SLC1A3: variants seen among roughly 807,000 people sequenced by gnomAD.
SLC1A3 encodes the protein excitatory amino acid transporter 1.
SLC1A3 carries 21 observed loss-of-function variants against 48.1 expected under a neutral mutation model. The ratio of observed to expected loss-of-function variants is 0.44; its 90% confidence interval spans 0.31 to 0.63. The LOEUF is 0.63. Ranked by LOEUF, SLC1A3 falls within the 20% of genes least tolerant of loss-of-function variation. The pLI is 0.08. For missense variants in SLC1A3, 546 were observed against 689.0 expected (o/e 0.79, Z 2.32); for synonymous variants, 239 against 251.4 (o/e 0.95, Z 0.47).
At chr5:36,617,161 C>T (rs115575681) in intron 2 of SLC1A3, among the ~76,000 whole-genome samples, 88 of 152,220 alleles carry the variant, frequency 5.8e-4, no homozygotes, top group African/African-American at 2.0e-3. Context: ...AGATTCGCTT[C>T]CTTGTCTCCA....
chr5:36,674,792 T>C (rs1742139675), intron 5 of SLC1A3, among the ~76,000 whole-genome samples: 1 of 152,208 alleles, frequency 6.6e-6, no homozygotes. Flanking sequence ...TGCTTTCTGC[T>C]ACTCCATTCT....
chr5:36,684,058 G>C lies in SLC1A3; in HGVS notation c.1424+60G>C, dbSNP rs1018374122. The C allele has an allele frequency of 3.7e-6, 6 of 1,605,676 alleles. No homozygotes were observed. In the East Asian group the frequency reaches 1.3e-4, roughly 36 times the overall value. On this transcript the variant is annotated intron_variant, in intron 9 of 9. Coordinates refer to ENST00000265113, the MANE Select transcript of SLC1A3 (RefSeq NM_004172.5). ...CACAGGGTCCCCCTCTGTCACTCTA[G>C]GGCACCAGGCAGCCTGGCACATCTA...
intron 3 of SLC1A3, among the ~76,000 whole-genome samples, chr5:36,646,960 A>G (rs773556491): frequency 6.6e-6 from 1 of 152,172 alleles, no homozygotes; most frequent in Non-Finnish European, 1.5e-5. Context: ...TTAAAAGTAT[A>G]CTATATTTGT....
chr5:36,616,119 G>A (rs944148796), intron 2 of SLC1A3, among the ~76,000 whole-genome samples: 2 of 152,100 alleles, frequency 1.3e-5, no homozygotes, highest in African/African-American at 2.4e-5. Context: ...TGCTTGAACC[G>A]GGAAGGAGGA....
rs370546835 is a variant in SLC1A3, at chr5:36,596,862, T to C, written c.-96+184T>C. Among the ~76,000 whole-genome samples the C allele has an allele frequency of 2.6e-5, 4 of 152,180 alleles. No homozygotes were observed. The East Asian group carries it at 7.7e-4, about 29-fold the overall frequency. Reference sequence around the variant, plus strand: ...ATCTATTGCCCTTTAAGACAGGTCTTCCTCTAATGGAAGAGAAGAAAAACC... The same window carrying C: ...ATCTATTGCCCTTTAAGACAGGTCTCCCTCTAATGGAAGAGAAGAAAAACC... On this transcript the variant is annotated intron_variant, in intron 1 of 9. Transcript: ENST00000680318.
chr5:36,625,608 T>C (rs1739872451), intron 2 of SLC1A3, among the ~76,000 whole-genome samples: 1 of 152,134 alleles, frequency 6.6e-6, no homozygotes, highest in African/African-American at 2.4e-5. Context: ...TAGAAATAGC[T>C]CACCTGGTAA....
intron 7 of SLC1A3, 53 bp from the exon 8 acceptor site, chr5:36,680,342 C>A: frequency 6.8e-7 from 1 of 1,471,780 alleles, no homozygotes; most frequent in Non-Finnish European, 9.5e-7. Context: ...AACGCACAGA[C>A]AGTCAGAACT....
Position 36,684,149 on chromosome 5 carries a change from T to C in SLC1A3, c.1424+151T>C, listed in dbSNP as rs1238624308. The C allele has an allele frequency of 2.4e-5, 25 of 1,027,866 alleles. No individual in the cohort carries two copies. The African/African-American group carries it at 3.8e-4, about 15-fold the overall frequency. 63.7% of individuals were successfully genotyped at this position (1,027,866 alleles called of 1,614,324 possible). A position where few individuals can be genotyped will look rare whatever the true frequency, so the allele number is the denominator to read the frequency against. ...TAAATTGTCCTTATTGTCTGACCCC[T>C]GGTCCTTATCTGGAGACCGAGCCCC... is the stretch of plus-strand genomic sequence containing the variant. On this transcript the variant is annotated intron_variant, in intron 9 of 9. Transcript: ENST00000265113.
chr5:36,615,772 G>T (rs755119432), intron 2 of SLC1A3, among the ~76,000 whole-genome samples: 3 of 152,218 alleles, frequency 2.0e-5, no homozygotes, highest in Non-Finnish European at 2.9e-5. Context: ...GATATTTATG[G>T]AACACTAGGA....
chr5:36,643,311 C>T lies in SLC1A3; in HGVS notation c.319+13724C>T, dbSNP rs956809313. ...TGTTCTAATTTCTCCACTTTCTTAC[C>T]AACACTTCTTATTATCTGTCTTTTA... is the stretch of plus-strand genomic sequence containing the variant. On this transcript the variant is annotated intron_variant, in intron 3 of 9. Transcript: ENST00000265113. Among the ~76,000 whole-genome samples, 5 of 152,280 alleles carry T rather than the reference C, an allele frequency of 3.3e-5. No homozygotes were observed. The South Asian group carries it at 8.3e-4, about 25-fold the overall frequency.
At chr5:36,642,561 A>C (rs997798806) in intron 3 of SLC1A3, among the ~76,000 whole-genome samples, 5 of 152,222 alleles carry the variant, frequency 3.3e-5, no homozygotes, top group African/African-American at 1.2e-4. Context: ...GTTTATTGAG[A>C]TATAACTCAC....
In SLC1A3 at chr5:36,686,207, T is replaced by C. The variant is rs1226153453; in HGVS notation, c.1567T>C (p.Tyr523His). 20 of 1,614,038 alleles carry C rather than the reference T, an allele frequency of 1.2e-5. No individual in the cohort carries two copies. The East Asian group carries it at 4.2e-4, about 34-fold the overall frequency. The change falls in exon 10 of 10, where the codon TAT becomes CAT. Residue 523 changes from tyrosine (Y) to histidine (H), a missense_variant. Coordinates refer to ENST00000265113, the MANE Select transcript of SLC1A3 (RefSeq NM_004172.5). ...VIEENEMKKP[Y>H]QLIAQDNETE... ...TGAAGAGAATGAAATGAAGAAACCA[T>C]ATCAACTGATTGCACAGGACAATGA...
chr5:36,618,261 A>G (rs1739528232), intron 2 of SLC1A3, among the ~76,000 whole-genome samples: 1 of 152,156 alleles, frequency 6.6e-6, no homozygotes, highest in Non-Finnish European at 1.5e-5. Flanking sequence ...ACCATCTATC[A>G]TCTTCACAAT....
chr5:36,665,329 A>G (rs1741696305), intron 3 of SLC1A3, among the ~76,000 whole-genome samples: 2 of 152,208 alleles, frequency 1.3e-5, no homozygotes, highest in African/African-American at 2.4e-5. Flanking sequence ...TGCAGACACT[A>G]TGCTAGGCAC....
chr5:36,643,958 C>T (rs1234327766), intron 3 of SLC1A3, among the ~76,000 whole-genome samples: 1 of 151,872 alleles, frequency 6.6e-6, no homozygotes, highest in Admixed American at 6.6e-5. Flanking sequence ...TGGGCCATTG[C>T]ATTCTGTTAA....
chr5:36,612,642 A>T (rs1425790689), intron 2 of SLC1A3: 1 of 178,148 alleles, frequency 5.6e-6, no homozygotes, highest in African/African-American at 2.4e-5. Context: ...AATAGCTAAC[A>T]CTCACAATGT....
chr5:36,633,982 G>A (rs964073447), intron 3 of SLC1A3, among the ~76,000 whole-genome samples: 1 of 152,170 alleles, frequency 6.6e-6, no homozygotes, highest in African/African-American at 2.4e-5. Flanking sequence ...CGCTCTTGTA[G>A]TATTTTTAAA....
intron 3 of SLC1A3, among the ~76,000 whole-genome samples, chr5:36,652,093 G>T (rs1349386782): frequency 6.6e-6 from 1 of 152,162 alleles, no homozygotes; most frequent in African/African-American, 2.4e-5. Flanking sequence ...TTCCTGGAAA[G>T]ATTCACTGAT....
At chr5:36,653,697 G>A (rs971747851) in intron 3 of SLC1A3, among the ~76,000 whole-genome samples, 5 of 152,208 alleles carry the variant, frequency 3.3e-5, no homozygotes, top group African/African-American at 1.2e-4. Flanking sequence ...CTCATGGAAT[G>A]CTGTGATGCC....
Sources: allele counts gnomAD v4.1 joint callset (sites outside exome capture counted in the v4.1 genomes callset), GRCh38; gene constraint gnomAD v4.1.1; transcripts MANE v1.5; gene names NCBI Gene and HGNC (gene_info 2026-07-23, HGNC 2026-07-21).